The following MIS18BP1 variants were observed in gnomAD, a reference collection of about 807,000 sequenced individuals.
MIS18BP1 encodes the protein mis18-binding protein 1.
A neutral mutation model predicts 116.1 loss-of-function variants in MIS18BP1; 72 were observed. The ratio of observed to expected loss-of-function variants is 0.62; its 90% CI spans 0.51 to 0.75. The LOEUF (loss-of-function observed/expected upper bound fraction) is 0.75, where lower values mean the gene tolerates loss of function less well. Ranked by LOEUF, MIS18BP1 falls within the 30% of genes least tolerant of loss-of-function variation. MIS18BP1 has a pLI of 0.00. For missense variants in MIS18BP1, 1,363 were observed against 1,303.2 expected, an observed-to-expected ratio of 1.05 and a Z score of -0.71; for synonymous variants, 386 against 427.0, an observed-to-expected ratio of 0.90 and a Z score of 1.18.
At chr14:45,232,587 G>A (rs1353273342) in intron 7 of MIS18BP1, 146 bp downstream of exon 7, 3 of 614,016 alleles carry the variant, frequency 4.9e-6, no homozygotes, top group South Asian at 1.7e-5. Flanking sequence ...TTGTAGCCAG[G>A]AGTTCGAGAC....
At chr14:45,244,821 C>T (rs1891681761) in intron 2 of MIS18BP1, among the ~76,000 whole-genome samples, 2 of 152,178 alleles carry the variant, frequency 1.3e-5, no homozygotes, top group African/African-American at 4.8e-5. Flanking sequence ...TAATAATCCA[C>T]CAACATCTGT....
intron 14 of MIS18BP1, among the ~76,000 whole-genome samples, chr14:45,208,628 G>A (rs942770127): frequency 7.2e-5 from 11 of 152,028 alleles, no homozygotes; most frequent in Non-Finnish European, 1.3e-4. Context: ...TACCGCGCCC[G>A]GCCACGGATG....
rs571752645 is a variant in MIS18BP1 at position 45,246,994 on chromosome 14, T to C, written c.293A>G (p.Asn98Ser). The C allele has an allele frequency of 6.8e-6, 11 of 1,612,708 alleles. No homozygotes were observed. The highest frequency in any genetic ancestry group is 2.7e-5 in the African/African-American group (2 of 74,956). ...TGCTTTATTTTTTAATCCATCCTTG[T>C]TGGGCTTTATAGCACTGATATCAAG... is the stretch of plus-strand genomic sequence containing the variant. ...SSLDISAIKP[N>S]KDGLKNKANY... Residue 98 changes from asparagine to serine, a missense_variant, in exon 2 of 17, where the codon AAC (asparagine) becomes AGC (serine). Coordinates refer to ENST00000310806, the MANE Select transcript of MIS18BP1 (RefSeq NM_018353.5).
rs144234035 is a variant in MIS18BP1 at position 45,247,208 on chromosome 14, C to T, written c.79G>A (p.Asp27Asn). Residue 27 changes from aspartate to asparagine, a missense_variant, in exon 2 of 17, where the codon GAT becomes AAT. Transcript: ENST00000310806. ...ASSQRRNLPM[D>N]AIFFDSIPSG... ...GGAATGCTGTCAAAAAAGATTGCAT[C>T]CATGGGTAGATTTCTCCTTTGAGAA... The T allele has an allele frequency of 1.2e-3, 1,859 of 1,612,350 alleles. 17 individuals carry two copies. In the African/African-American group the frequency reaches 0.021, roughly 18 times the overall value.
At chr14:45,241,446 G>C (rs1429919749) in intron 4 of MIS18BP1, 1 of 152,464 alleles carries the variant, frequency 6.6e-6, no homozygotes, top group South Asian at 2.1e-4. Context: ...CTCCAGCCTG[G>C]GTGACAGAGG....
chr14:45,242,896 AAAG>A (rs1253906621), intron 2 of MIS18BP1, 22 bp from the exon 3 acceptor site: 7 of 1,498,816 alleles, frequency 4.7e-6, no homozygotes, highest in South Asian at 1.2e-5. Flanking sequence ...TTTTTTAAAG[AAAG>A]AAGAAGTTGA....
At chr14:45,244,462 A>T (rs1023036858) in intron 2 of MIS18BP1, among the ~76,000 whole-genome samples, 1 of 152,150 alleles carries the variant, frequency 6.6e-6, no homozygotes. Context: ...TGCCCTCATT[A>T]ATCAGCTTAA....
chr14:45,227,748 C>G lies in MIS18BP1; in HGVS notation c.1661G>C (p.Cys554Ser), dbSNP rs1445826262. ...ATELNMCHSN[C>S]QNKPTLRFPD... ...GAACCTTAATGTTGGTTTATTTTGG[C>G]AATTACTGTGGCACATGTTTAATTC... Residue 554 changes from cysteine (C) to serine (S), a missense_variant, in exon 9 of 17, where the codon TGC becomes TCC. Coordinates refer to ENST00000310806, the MANE Select transcript of MIS18BP1 (RefSeq NM_018353.5). The G allele has an allele frequency of 7.4e-6, 12 of 1,613,914 alleles. No individual in the cohort carries two copies. Among genetic ancestry groups the G allele is most frequent in the Non-Finnish European group, 1.0e-5 (12 of 1,179,822 alleles).
At position 45,203,775 on chromosome 14, in the gene MIS18BP1, C is replaced by T. The variant is rs1387224353; in HGVS notation, c.*334G>A. On this transcript the variant is annotated 3_prime_UTR_variant, in exon 17 of 17. Coordinates refer to ENST00000310806, the MANE Select transcript of MIS18BP1 (RefSeq NM_018353.5). Reference sequence around the variant, plus strand: ...TCACCTTCTCTTACTTAAATGGTAGCAAAATTTTCTTGAAATAAAAAAAAA... The same window carrying T: ...TCACCTTCTCTTACTTAAATGGTAGTAAAATTTTCTTGAAATAAAAAAAAA... 1 of 82,068 alleles carries T rather than the reference C, an allele frequency of 1.2e-5. No homozygotes were observed. Among genetic ancestry groups the T allele is most frequent in the African/African-American group, 5.2e-5 (1 of 19,220 alleles). The allele number at this position is 82,068 out of a possible 1,614,324, so 5.1% of individuals were successfully genotyped here.
rs193000089 is a variant in MIS18BP1 at position 45,218,796 on chromosome 14, A to C, written c.2670-342T>G. Among the ~76,000 whole-genome samples, 5 of 151,854 alleles carry C rather than the reference A, an allele frequency of 3.3e-5. 1 individual carries two copies. The highest frequency in any genetic ancestry group is 1.2e-4 in the African/African-American group (5 of 41,410). On this transcript the variant is annotated intron_variant, in intron 11 of 16. Transcript: ENST00000310806. ...TTTTTAGGAGATTTTGGCATGACCA[A>C]ATTTTCTTCACTGTTACCTTAAATC...
intron 1 of MIS18BP1, chr14:45,250,220 A>C (rs1252960): frequency 0.21 from 32,012 of 152,112 alleles, 4,990 homozygotes; most frequent in African/African-American, 0.44. Context: ...CTCCCAAAGA[A>C]ACAGAAAGTT....
rs78482006 is a variant in MIS18BP1 at position 45,210,801 on chromosome 14, C to A, written c.3004-273G>T. 0.078 allele frequency among the ~76,000 whole-genome samples: 11,945 copies of A among 152,220 alleles called. 623 individuals carry two copies. The highest frequency in any genetic ancestry group is 0.16 in the South Asian group (776 of 4,816). ...TGGAAATCTTGTCCTTAGGTCAAAA[C>A]AACCTTGGTGTTATCGTAAACACAT... is the stretch of plus-strand genomic sequence containing the variant. On this transcript the variant is annotated intron_variant, in intron 13 of 16. Transcript: ENST00000310806.
Position 45,226,785 on chromosome 14 carries a change from C to A in MIS18BP1, c.1798G>T (p.Gly600Cys). The change falls in exon 10 of 17, where the codon GGT (glycine) becomes TGT (cysteine). Residue 600 changes from glycine to cysteine, a missense_variant. Coordinates refer to ENST00000310806, the MANE Select transcript of MIS18BP1 (RefSeq NM_018353.5). The stretch of plus-strand genomic sequence containing the variant: ...ATTATCCTTTCATTTGTTCTTTCAC[C>A]AATTTTTAGTTTCTTTGAAGACATT... ...YKMSSKKLKI[G>C]ERTNERIIKS... 1 of 1,410,560 alleles carries A rather than the reference C, an allele frequency of 7.1e-7. No homozygotes were observed. Among genetic ancestry groups the A allele is most frequent in the Non-Finnish European group, 9.4e-7 (1 of 1,060,172 alleles). 87.4% of individuals were successfully genotyped at this position (1,410,560 alleles called of 1,614,324 possible).
rs533480270 is a variant in MIS18BP1 at position 45,253,184 on chromosome 14, G to A, written c.-241C>T. 6.6e-6 allele frequency: 1 copy of A among 152,286 alleles called. No homozygotes were observed. The highest frequency in any genetic ancestry group is 2.1e-4 in the South Asian group (1 of 4,838). The allele number at this position is 152,286 out of a possible 1,614,324, so 9.4% of individuals were successfully genotyped here. ...GCGCCAAGCGACGCTTACCTCCTCC[G>A]CGACGTTCTCTAACACACAAAACAC... is the stretch of plus-strand genomic sequence containing the variant. On this transcript the variant is annotated 5_prime_UTR_variant, in exon 1 of 17. Transcript: ENST00000310806.
chr14:45,236,046 T>C, intron 5 of MIS18BP1, 102 bp from the exon 6 acceptor site: 1 of 1,043,186 alleles, frequency 9.6e-7, no homozygotes, highest in African/African-American at 1.7e-5. Context: ...AAGAATGTTA[T>C]TAGTCTAATT....
At position 45,243,254 on chromosome 14, in the gene MIS18BP1, T is replaced by C. The variant is rs372634371; in HGVS notation, c.545-380A>G. On this transcript the variant is annotated intron_variant, in intron 2 of 16. Coordinates refer to ENST00000310806, the MANE Select transcript of MIS18BP1 (RefSeq NM_018353.5). ...TTTCACCCAGTCTTGAAAATTCCGA[T>C]TCTGTTTCTGGTTGCTGTGAATTTC... Among the ~76,000 whole-genome samples, 7 of 152,272 alleles carry C rather than the reference T, an allele frequency of 4.6e-5. No homozygotes were observed. The South Asian group carries it at 6.2e-4, about 14-fold the overall frequency.
chr14:45,229,141 TGG>T (rs1032729189), intron 8 of MIS18BP1, among the ~76,000 whole-genome samples: 96 of 144,622 alleles, frequency 6.6e-4, no homozygotes, highest in African/African-American at 2.4e-3. Context: ...GGGGTGGGGG[TGG>T]GGGGAATCAT....
In MIS18BP1 at chr14:45,235,904, C is replaced by T. The variant is rs1310050845; in HGVS notation, c.1258G>A (p.Glu420Lys). 1 of 1,611,284 alleles carries T rather than the reference C, an allele frequency of 6.2e-7. No individual in the cohort carries two copies. The highest frequency in any genetic ancestry group is 8.5e-7 in the Non-Finnish European group (1 of 1,178,548). ...NIYWHSNVII[E>K]RIEHNKLRTI... ...CTAAGTTTGTTGTGCTCAATCCGCT[C>T]TATAATTACATTACTGTGCCAATAT... Residue 420 changes from glutamate to lysine, a missense_variant, in exon 6 of 17, where the codon GAG becomes AAG. Physicochemically the swap from Glu to Lys is moderately conservative, Grantham distance 56 (BLOSUM62 1). Transcript: ENST00000310806.
At chr14:45,223,590 A>G (rs1891034320) in intron 11 of MIS18BP1, among the ~76,000 whole-genome samples, 1 of 152,330 alleles carries the variant, frequency 6.6e-6, no homozygotes, top group African/African-American at 2.4e-5. Flanking sequence ...AAAACAAAAC[A>G]AAACAAAAAA....
Sources: gnomAD v4.1 joint callset for allele counts (sites outside exome capture counted in the v4.1 genomes callset) on GRCh38, gnomAD v4.1.1 for gene constraint, MANE v1.5 for transcripts, NCBI Gene and HGNC (gene_info 2026-07-23, HGNC 2026-07-21) for gene names.